Variants in ABL1 observed in about 807,000 individuals in gnomAD.
ABL1 encodes tyrosine-protein kinase ABL1.
A neutral mutation model predicts 94.7 loss-of-function variants in ABL1; 11 were observed. The ratio of observed to expected loss-of-function variants is 0.12; its 90% confidence interval spans 0.07 to 0.19. The LOEUF (loss-of-function observed/expected upper bound fraction) is 0.19. ABL1 is among the 10% of genes least tolerant of loss of function. ABL1 has a pLI of 1.00. For synonymous variants in ABL1, 656 were observed against 622.4 expected (o/e 1.05, Z -0.80); for missense variants, 1,082 against 1,489.4 (o/e 0.73, Z 4.50).
intron 1 of ABL1, among the ~76,000 whole-genome samples, chr9:130,820,527 T>TCA (rs202049948): frequency 0.012 from 1,801 of 152,008 alleles, 42 homozygotes; most frequent in African/African-American, 0.038. Flanking sequence ...AACCTTCCCC[T>TCA]CACACACACC....
Position 130,878,458 on chromosome 9 carries a change from C to G in ABL1, c.1314C>G (p.Ser438=). The change falls in exon 8 of 11, where the codon TCC becomes TCG. Residue 438 remains serine, a synonymous_variant. Transcript: ENST00000318560. ...GGGAAATTGCTACCTATGGCATGTC[C>G]CCTTACCCGGGAATTGACCTGTCCC... ...LLWEIATYGM[S]PYPGIDLSQV... 1 of 1,614,196 alleles carries G rather than the reference C, an allele frequency of 6.2e-7. No homozygotes were observed. The highest frequency in any genetic ancestry group is 8.5e-7 in the Non-Finnish European group (1 of 1,180,022).
chr9:130,842,680 A>G lies in ABL1; in HGVS notation c.79+7155A>G, dbSNP rs376419682. On this transcript the variant is annotated intron_variant, in intron 1 of 10. Coordinates refer to ENST00000318560, the MANE Select transcript of ABL1 (RefSeq NM_005157.6). ...AGCTGACCCCGGAGTCCATGAAGAC[A>G]TGTTAAAAGAAGAGGAAATGTGAAT... Among the ~76,000 whole-genome samples the G allele has an allele frequency of 1.5e-3, 226 of 152,340 alleles. 1 individual carries two copies. Among genetic ancestry groups the G allele is most frequent in the African/African-American group, 5.2e-3 (215 of 41,576 alleles).
intron 1 of ABL1, among the ~76,000 whole-genome samples, chr9:130,748,380 G>A (rs2132722794): frequency 6.6e-6 from 1 of 152,124 alleles, no homozygotes; most frequent in Non-Finnish European, 1.5e-5. Context: ...TGACACACCT[G>A]ACTCTAATAT....
chr9:130,789,571 A>G (rs1211243876), intron 1 of ABL1, among the ~76,000 whole-genome samples: 6 of 152,202 alleles, frequency 3.9e-5, no homozygotes, highest in African/African-American at 1.4e-4. Context: ...ATCATGCGCA[A>G]GAGTCAGTAG....
In ABL1 at chr9:130,854,244, G is replaced by A; in HGVS notation, c.253+7G>A. Reference sequence around the variant, plus strand: ...ACTCTAAGCATAACTAAAGGTAAAAGGGTTGTGGGCAGCTAGTGGTGGTTG... The same window carrying A: ...ACTCTAAGCATAACTAAAGGTAAAAAGGTTGTGGGCAGCTAGTGGTGGTTG... On this transcript the variant is annotated splice_region_variant and intron_variant, in intron 2 of 10. Transcript: ENST00000318560. 1.2e-6 allele frequency: 2 copies of A among 1,612,572 alleles called. No homozygotes were observed. The highest frequency in any genetic ancestry group is 2.7e-5 in the African/African-American group (2 of 75,020).
chr9:130,844,309 G>A (rs1830724038), intron 1 of ABL1, among the ~76,000 whole-genome samples: 1 of 152,204 alleles, frequency 6.6e-6, no homozygotes, highest in African/African-American at 2.4e-5. Flanking sequence ...AGGAGGAAAA[G>A]TGCCAAGATG....
rs548818669 is a variant in ABL1, at chr9:130,859,873, G to A, written c.550-2890G>A. Among the ~76,000 whole-genome samples, 6 of 151,796 alleles carry A rather than the reference G, an allele frequency of 4.0e-5. No individual in the cohort carries two copies. The South Asian group carries it at 1.3e-3, about 32-fold the overall frequency. On this transcript the variant is annotated intron_variant, in intron 3 of 10. Transcript: ENST00000318560. ...TTTTTGTATTTTTAGTAGAGATGGG[G>A]TTTCACCATGTTGGCCAGGCTGGTT...
rs1253945055 is a variant in ABL1 at position 130,873,909 on chromosome 9, A to AT, written c.1085+876dup. ...ATGCTGGCGGCTCCTTGTAAGACAGATTTTCTATGCTCCATGAGAGCCTGA... is the reference window on the plus strand; with the variant it reads ...ATGCTGGCGGCTCCTTGTAAGACAGATTTTTCTATGCTCCATGAGAGCCTGA... On this transcript the variant is annotated intron_variant, in intron 6 of 10. Coordinates refer to ENST00000318560, the MANE Select transcript of ABL1 (RefSeq NM_005157.6). Among the ~76,000 whole-genome samples, 6 of 152,196 alleles carry AT rather than the reference A, an allele frequency of 3.9e-5. 1 individual carries two copies. In the South Asian group the frequency reaches 1.2e-3, roughly 32 times the overall value.
intron 4 of ABL1, among the ~76,000 whole-genome samples, chr9:130,867,165 T>G (rs73656060): frequency 4.6e-5 from 7 of 152,180 alleles, no homozygotes; most frequent in Non-Finnish European, 7.4e-5. Flanking sequence ...GTGCAGGATA[T>G]ATTTTTTTGA....
intron 1 of ABL1, among the ~76,000 whole-genome samples, chr9:130,818,268 G>A (rs1830315272): frequency 6.6e-6 from 1 of 152,168 alleles, no homozygotes; most frequent in Non-Finnish European, 1.5e-5. Context: ...CCAGGAGATT[G>A]AGACCAGCTT....
At chr9:130,812,543 G>A (rs1289804208) in intron 1 of ABL1, among the ~76,000 whole-genome samples, 1 of 151,176 alleles carries the variant, frequency 6.6e-6, no homozygotes, top group African/African-American at 2.5e-5. Context: ...AAACCTTAGT[G>A]GCATATTAAA....
At chr9:130,713,097 C>A (rs1167466014) in exon 1 of ABL1, among the ~76,000 whole-genome samples, 1 of 152,240 alleles carries the variant, frequency 6.6e-6, no homozygotes, top group African/African-American at 2.4e-5. Context: ...GCGCTGGAGC[C>A]GGAGCCGGTT....
intron 1 of ABL1, among the ~76,000 whole-genome samples, chr9:130,765,486 A>G (rs985533066): frequency 2.6e-5 from 4 of 152,190 alleles, no homozygotes; most frequent in Non-Finnish European, 5.9e-5. Flanking sequence ...CCATTTTTGT[A>G]CATTCTTATG....
At chr9:130,737,884 G>A (rs1302894628) in intron 1 of ABL1, among the ~76,000 whole-genome samples, 2 of 149,434 alleles carry the variant, frequency 1.3e-5, no homozygotes, top group Non-Finnish European at 3.0e-5. Context: ...AGGCCGGAGT[G>A]CAGTGGCACA....
At chr9:130,798,915 G>A (rs1408326013) in intron 1 of ABL1, among the ~76,000 whole-genome samples, 2 of 147,178 alleles carry the variant, frequency 1.4e-5, no homozygotes, top group Admixed American at 6.9e-5. Context: ...AGGTTGCAGT[G>A]AGCTAAGATC....
At chr9:130,824,445 A>T (rs1202576595) in intron 1 of ABL1, among the ~76,000 whole-genome samples, 4 of 152,144 alleles carry the variant, frequency 2.6e-5, no homozygotes, top group Non-Finnish European at 5.9e-5. Flanking sequence ...TCACCAATTC[A>T]AATGCTAGTC....
intron 1 of ABL1, among the ~76,000 whole-genome samples, chr9:130,772,483 G>C (rs1832264589): frequency 6.6e-6 from 1 of 152,204 alleles, no homozygotes; most frequent in Non-Finnish European, 1.5e-5. Flanking sequence ...GTTAGTAATA[G>C]ACATGTGAAG....
intron 1 of ABL1, among the ~76,000 whole-genome samples, chr9:130,819,689 C>A (rs1463061395): frequency 6.6e-6 from 1 of 151,890 alleles, no homozygotes; most frequent in East Asian, 2.0e-4. Context: ...CGGGCACACA[C>A]CACCATGCCC....
At chr9:130,780,322 T>G (rs1829739578) in intron 1 of ABL1, among the ~76,000 whole-genome samples, 3 of 152,052 alleles carry the variant, frequency 2.0e-5, no homozygotes, top group Admixed American at 2.0e-4. Flanking sequence ...TGTGAACCAC[T>G]TCAAAAAAAA....
Sources: allele counts gnomAD v4.1 joint callset (sites outside exome capture counted in the v4.1 genomes callset), GRCh38; gene constraint gnomAD v4.1.1; transcripts MANE v1.5; gene names NCBI Gene and HGNC (gene_info 2026-07-23, HGNC 2026-07-21).